The following UBE2H variants were observed in gnomAD, a reference collection of about 807,000 sequenced individuals.
UBE2H encodes the protein ubiquitin conjugating enzyme E2 H.
A neutral mutation model predicts 29.0 loss-of-function variants in UBE2H; 3 were observed. The ratio of observed to expected loss-of-function variants is 0.10; its 90% CI spans 0.05 to 0.27. The LOEUF is 0.27. Ranked by LOEUF, UBE2H falls within the 10% of genes least tolerant of loss-of-function variation. The pLI is 1.00. For missense variants in UBE2H, 68 were observed against 228.2 expected (o/e 0.30, Z 4.52); for synonymous variants, 69 against 82.9 (o/e 0.83, Z 0.91).
intron 5 of UBE2H, among the ~76,000 whole-genome samples, chr7:129,854,831 GGTTTATCTACA>G (rs1805675843): frequency 6.6e-6 from 1 of 151,872 alleles, no homozygotes; most frequent in Non-Finnish European, 1.5e-5. Flanking sequence ...CAAATAATGT[GGTTTATCTACA>G]CAATGAAATA....
intron 3 of UBE2H, among the ~76,000 whole-genome samples, chr7:129,873,459 C>T (rs1180507062): frequency 1.4e-5 from 2 of 143,786 alleles, no homozygotes; most frequent in Non-Finnish European, 3.0e-5. Context: ...TTCTTGAGAC[C>T]GGTTTCACTC....
At position 129,879,598 on chromosome 7, in the gene UBE2H, C is replaced by G; in HGVS notation, c.175G>C (p.Asp59His). Residue 59 changes from aspartate (D) to histidine (H), a missense_variant, in exon 3 of 7, where the codon GAT becomes CAT. Physicochemically the swap from Asp to His is moderately conservative, Grantham distance 81 (BLOSUM62 -1). Transcript: ENST00000355621. ...GVWKVRVDLP[D>H]KYPFKSPSIG... is the part of the protein sequence containing the mutation. ...GATGGAGATTTGAAAGGGTATTTAT[C>G]AGGTAGGTCCACTCTAACTTTCCAT... is the stretch of plus-strand genomic sequence containing the variant. 1 of 1,612,948 alleles carries G rather than the reference C, an allele frequency of 6.2e-7. No homozygotes were observed. Among genetic ancestry groups the G allele is most frequent in the Non-Finnish European group, 8.5e-7 (1 of 1,179,592 alleles).
chr7:129,936,789 C>A (rs1197614942), intron 1 of UBE2H, among the ~76,000 whole-genome samples: 1 of 143,148 alleles, frequency 7.0e-6, no homozygotes, highest in Non-Finnish European at 1.5e-5. Flanking sequence ...CATGGTGAAA[C>A]CCCGTCTCTA....
At chr7:129,923,327 A>G (rs1807203870) in intron 1 of UBE2H, among the ~76,000 whole-genome samples, 1 of 152,180 alleles carries the variant, frequency 6.6e-6, no homozygotes, top group Non-Finnish European at 1.5e-5. Flanking sequence ...TGTGGCAGCT[A>G]AAATAAAGAT....
chr7:129,889,186 C>CATCT (rs1340895287), intron 1 of UBE2H, among the ~76,000 whole-genome samples: 3 of 152,218 alleles, frequency 2.0e-5, no homozygotes, highest in African/African-American at 7.2e-5. Context: ...ATGCACAGTG[C>CATCT]ATCTACCTGT....
Position 129,858,958 on chromosome 7 carries a change from TAATTAGC to T in UBE2H, c.206-24_206-18del. ...TCATGAATCCTGTAAAAAGAGATGT[TAATTAGC>T]AGCAAAAAGTATCCAGAGAACAATA... On this transcript the variant is annotated intron_variant, in intron 3 of 6. Coordinates refer to ENST00000355621, the MANE Select transcript of UBE2H (RefSeq NM_003344.4). The T allele has an allele frequency of 6.2e-7, 1 of 1,604,528 alleles. No homozygotes were observed. The highest frequency in any genetic ancestry group is 1.1e-5 in the South Asian group (1 of 90,534).
At chr7:129,835,148 G>A (rs1805298728) in intron 6 of UBE2H, 87 bp from the exon 7 acceptor site, 1 of 1,581,472 alleles carries the variant, frequency 6.3e-7, no homozygotes, top group African/African-American at 1.3e-5. Context: ...AGGCTGCGGA[G>A]GTTCAAACTT....
At chr7:129,934,260 T>G (rs1807469304) in intron 1 of UBE2H, among the ~76,000 whole-genome samples, 1 of 151,804 alleles carries the variant, frequency 6.6e-6, no homozygotes, top group Non-Finnish European at 1.5e-5. Flanking sequence ...AGGTGGAGGT[T>G]GCAGTGAGCC....
chr7:129,902,889 C>A (rs1806745323), intron 1 of UBE2H, among the ~76,000 whole-genome samples: 1 of 152,186 alleles, frequency 6.6e-6, no homozygotes, highest in South Asian at 2.1e-4. Flanking sequence ...TAGTGTCTTA[C>A]ATATGTTACA....
intron 3 of UBE2H, among the ~76,000 whole-genome samples, chr7:129,862,733 GA>G: frequency 6.6e-6 from 1 of 152,198 alleles, no homozygotes. Flanking sequence ...AAAAGGGGCA[GA>G]AAATGAGAAG....
At chr7:129,873,547 A>T (rs1331535872) in intron 3 of UBE2H, among the ~76,000 whole-genome samples, 4 of 138,070 alleles carry the variant, frequency 2.9e-5, no homozygotes, top group African/African-American at 1.1e-4. Context: ...TGATTCTCCC[A>T]CCTCAGCCTC....
chr7:129,910,004 G>A (rs1806899291), intron 1 of UBE2H, among the ~76,000 whole-genome samples: 1 of 152,092 alleles, frequency 6.6e-6, no homozygotes, highest in Admixed American at 6.5e-5. Context: ...AAGGCTTTGA[G>A]TAAGATGCAA....
intron 1 of UBE2H, chr7:129,948,866 C>T: frequency 6.5e-5 from 19 of 294,088 alleles, no homozygotes; most frequent in East Asian, 9.7e-5. Context: ...CTCTTTTTAC[C>T]CCTCGAAAAC....
Position 129,949,814 on chromosome 7 carries a change from T to C in UBE2H, c.53+2689A>G, listed in dbSNP as rs188518727. Among the ~76,000 whole-genome samples, 44 of 152,256 alleles carry C rather than the reference T, an allele frequency of 2.9e-4. 1 individual carries two copies. In the East Asian group the frequency reaches 6.7e-3, roughly 23 times the overall value. Reference sequence around the variant, plus strand: ...TGCCAGGCTGTAAATCGTGGTGGTATAATTACGCTCAGGAGACATCCAAAA... The same window carrying C: ...TGCCAGGCTGTAAATCGTGGTGGTACAATTACGCTCAGGAGACATCCAAAA... On this transcript the variant is annotated intron_variant, in intron 1 of 6. Transcript: ENST00000355621.
intron 1 of UBE2H, among the ~76,000 whole-genome samples, chr7:129,939,054 G>A (rs868597889): frequency 1.3e-5 from 2 of 152,070 alleles, no homozygotes; most frequent in Non-Finnish European, 2.9e-5. Flanking sequence ...CCGCCTTGGC[G>A]TCCCAAAGTG....
intron 1 of UBE2H, among the ~76,000 whole-genome samples, chr7:129,885,909 T>C (rs565576430): frequency 6.6e-6 from 1 of 152,322 alleles, no homozygotes; most frequent in Non-Finnish European, 1.5e-5. Context: ...ACCACGTGTA[T>C]TTATGGGAGA....
intron 1 of UBE2H, among the ~76,000 whole-genome samples, chr7:129,902,963 C>G (rs1041962686): frequency 3.3e-5 from 5 of 152,172 alleles, no homozygotes; most frequent in Non-Finnish European, 4.4e-5. Context: ...AATGAATACA[C>G]TGTCGGGCTG....
intron 4 of UBE2H, 147 bp from the exon 5 acceptor site, chr7:129,857,710 A>C: frequency 1.1e-5 from 9 of 787,888 alleles, no homozygotes; most frequent in African/African-American, 1.8e-5. Flanking sequence ...ATGATGAGGA[A>C]CAGAATAGTA....
chr7:129,854,307 T>C (rs1021764721), intron 5 of UBE2H, among the ~76,000 whole-genome samples: 3 of 152,166 alleles, frequency 2.0e-5, no homozygotes, highest in Non-Finnish European at 4.4e-5. Flanking sequence ...CTTTATATAA[T>C]TGTATTTACC....
Sources: gnomAD v4.1 joint callset for allele counts (sites outside exome capture counted in the v4.1 genomes callset) on GRCh38, gnomAD v4.1.1 for gene constraint, MANE v1.5 for transcripts, NCBI Gene and HGNC (gene_info 2026-07-23, HGNC 2026-07-21) for gene names.